Variants in NXPE4 observed in about 807,000 individuals in gnomAD.
NXPE4 encodes NXPE family member 4.
A neutral mutation model predicts 33.3 loss-of-function variants in NXPE4; 42 were observed. That is an observed-to-expected ratio of 1.26 (90% CI 0.98 to 1.63). The LOEUF (loss-of-function observed/expected upper bound fraction) is 1.63. Among genes scored for constraint, NXPE4 ranks in the 40% most tolerant of loss-of-function variants. The pLI is 0.00. For synonymous variants in NXPE4, 253 were observed against 234.9 expected, an observed-to-expected ratio of 1.08 and a Z score of -0.71; for missense variants, 709 against 647.6, an observed-to-expected ratio of 1.09 and a Z score of -1.03.
chr11:114,655,820 A>G, the NXPE4 span, among the ~76,000 whole-genome samples: 2 of 152,214 alleles, frequency 1.3e-5, no homozygotes, highest in African/African-American at 2.4e-5. Flanking sequence ...AGAGCGATTT[A>G]TGACAAACCC....
chr11:114,592,494 A>AT (rs1949478845), intron 2 of NXPE4, among the ~76,000 whole-genome samples: 2 of 151,914 alleles, frequency 1.3e-5, no homozygotes, highest in Non-Finnish European at 1.5e-5. Context: ...ACTACAAAAC[A>AT]TTGATGCAAG....
At chr11:114,673,576 T>C in the NXPE4 span, among the ~76,000 whole-genome samples, 1 of 151,708 alleles carries the variant, frequency 6.6e-6, no homozygotes, top group South Asian at 2.1e-4. Context: ...AACCTGTAGC[T>C]AGAATAACTC....
chr11:114,618,945 T>C, the NXPE4 span, among the ~76,000 whole-genome samples: 1 of 152,032 alleles, frequency 6.6e-6, no homozygotes, highest in Non-Finnish European at 1.5e-5. Flanking sequence ...CACTGGATAA[T>C]AAGTAGTACC....
chr11:114,609,015 C>A, the NXPE4 span, among the ~76,000 whole-genome samples: 1 of 151,758 alleles, frequency 6.6e-6, no homozygotes, highest in Non-Finnish European at 1.5e-5. Context: ...TAAGTGTTGC[C>A]TTGTGGGTAA....
At chr11:114,649,739 A>T in the NXPE4 span, among the ~76,000 whole-genome samples, 1 of 152,166 alleles carries the variant, frequency 6.6e-6, no homozygotes, top group Non-Finnish European at 1.5e-5. Flanking sequence ...TGGGGTGATG[A>T]ATCCAATTGC....
chr11:114,640,053 A>G, the NXPE4 span, among the ~76,000 whole-genome samples: 7 of 118,808 alleles, frequency 5.9e-5, no homozygotes, highest in African/African-American at 2.1e-4. Flanking sequence ...TTTATAATAT[A>G]TAATTTATTT....
At chr11:114,654,993 A>T in the NXPE4 span, among the ~76,000 whole-genome samples, 1 of 152,072 alleles carries the variant, frequency 6.6e-6, no homozygotes, top group South Asian at 2.1e-4. Context: ...TTGTTTCCTG[A>T]CTTTTTAATA....
At chr11:114,592,953 T>C (rs1949495539) in intron 2 of NXPE4, among the ~76,000 whole-genome samples, 1 of 152,146 alleles carries the variant, frequency 6.6e-6, no homozygotes, top group Non-Finnish European at 1.5e-5. Context: ...TAGATGGTGC[T>C]GGAGAAACTG....
intron 2 of NXPE4, among the ~76,000 whole-genome samples, chr11:114,594,307 A>C (rs2135299102): frequency 6.6e-6 from 1 of 152,308 alleles, no homozygotes; most frequent in Middle Eastern, 3.4e-3. Context: ...AAATACATAC[A>C]CCTACTTTGT....
intron 2 of NXPE4, among the ~76,000 whole-genome samples, chr11:114,588,543 G>A (rs571747619): frequency 1.5e-3 from 227 of 152,054 alleles, no homozygotes; most frequent in Non-Finnish European, 2.7e-3. Context: ...GGCCAAAAGG[G>A]AAAAAAGAAT....
chr11:114,657,611 A>G, the NXPE4 span, among the ~76,000 whole-genome samples: 35 of 152,166 alleles, frequency 2.3e-4, no homozygotes, highest in Non-Finnish European at 4.1e-4. Context: ...ATATATCATA[A>G]TAAAAATACT....
the NXPE4 span, among the ~76,000 whole-genome samples, chr11:114,650,403 T>C: frequency 6.6e-6 from 1 of 152,238 alleles, no homozygotes; most frequent in Non-Finnish European, 1.5e-5. Flanking sequence ...CTGCTATTTA[T>C]GAGAAAGACT....
At chr11:114,601,155 T>C in the NXPE4 span, among the ~76,000 whole-genome samples, 4 of 151,770 alleles carry the variant, frequency 2.6e-5, no homozygotes, top group Non-Finnish European at 4.4e-5. Context: ...ATGAATTGTA[T>C]AATGGTGAAC....
At chr11:114,632,363 A>G in the NXPE4 span, among the ~76,000 whole-genome samples, 342 of 134,732 alleles carry the variant, frequency 2.5e-3, 3 homozygotes, top group African/African-American at 8.7e-3. Context: ...TAAATATTAT[A>G]TATTACATAT....
At chr11:114,662,457 C>T in the NXPE4 span, among the ~76,000 whole-genome samples, 1 of 152,170 alleles carries the variant, frequency 6.6e-6, no homozygotes, top group African/African-American at 2.4e-5. Flanking sequence ...ACTTGAAAGA[C>T]AGTCTAGGCC....
the NXPE4 span, among the ~76,000 whole-genome samples, chr11:114,645,351 T>A: frequency 6.6e-6 from 1 of 151,924 alleles, no homozygotes; most frequent in African/African-American, 2.4e-5. Context: ...AGATTCCCTA[T>A]ACCACATCAT....
upstream of NXPE4, among the ~76,000 whole-genome samples, chr11:114,599,067 T>G (rs1949610119): frequency 6.6e-6 from 1 of 152,196 alleles, no homozygotes; most frequent in Admixed American, 6.5e-5. Context: ...TTTACATCTT[T>G]TTTTTGCACA....
chr11:114,602,368 T>C, the NXPE4 span, among the ~76,000 whole-genome samples: 3 of 127,714 alleles, frequency 2.3e-5, no homozygotes, highest in African/African-American at 5.8e-5. Context: ...TAATATGTTA[T>C]ATACAATATA....
At chr11:114,623,062 A>T in the NXPE4 span, among the ~76,000 whole-genome samples, 2 of 151,198 alleles carry the variant, frequency 1.3e-5, no homozygotes, top group South Asian at 4.2e-4. Context: ...TGTTGCCTTG[A>T]GGGTAACCAC....
Sources: allele counts gnomAD v4.1 joint callset (sites outside exome capture counted in the v4.1 genomes callset), GRCh38; gene constraint gnomAD v4.1.1; transcripts MANE v1.5; gene names NCBI Gene and HGNC (gene_info 2026-07-23, HGNC 2026-07-21).